Variants in CNTNAP2 observed in about 807,000 individuals in gnomAD.
CNTNAP2 encodes contactin associated protein 2.
A neutral mutation model predicts 155.2 loss-of-function variants in CNTNAP2; 98 were observed. The ratio of observed to expected loss-of-function variants is 0.63; its 90% CI spans 0.54 to 0.75. The LOEUF is 0.75. CNTNAP2 is among the 30% of genes least tolerant of loss of function. The pLI is 0.00. For missense variants in CNTNAP2, 1,727 were observed against 1,688.1 expected (o/e 1.02, Z -0.40); for synonymous variants, 651 against 631.2 (o/e 1.03, Z -0.47).
chr7:147,480,220 ATAAAT>A (rs1482827323), intron 10 of CNTNAP2, among the ~76,000 whole-genome samples: 2 of 152,254 alleles, frequency 1.3e-5, no homozygotes, highest in African/African-American at 2.4e-5. Flanking sequence ...GGAACAACTC[ATAAAT>A]TAAGGAGGCA....
chr7:147,999,341 G>A (rs1673121285), intron 15 of CNTNAP2, among the ~76,000 whole-genome samples: 2 of 152,152 alleles, frequency 1.3e-5, no homozygotes, highest in South Asian at 4.1e-4. Context: ...CTCCCAAAGT[G>A]CTAGGATTAC....
intron 2 of CNTNAP2, among the ~76,000 whole-genome samples, chr7:146,817,695 T>G (rs1803200436): frequency 6.6e-6 from 1 of 151,892 alleles, no homozygotes; most frequent in Non-Finnish European, 1.5e-5. Context: ...TACTCACTTT[T>G]AAACAACCAG....
rs1390021534 is a variant in CNTNAP2, at chr7:146,810,855, A to C, written c.209-28856A>C. Among the ~76,000 whole-genome samples the C allele has an allele frequency of 5.3e-5, 8 of 152,132 alleles. No homozygotes were observed. The South Asian group carries it at 1.7e-3, about 32-fold the overall frequency. On this transcript the variant is annotated intron_variant, in intron 2 of 23. Transcript: ENST00000361727. The stretch of plus-strand genomic sequence containing the variant: ...GAATTTTTATGATAAAAGAACTTTT[A>C]ATTTTGTTAAATGCTTTGTTGCATC...
At chr7:146,876,591 A>G (rs1383296464) in intron 3 of CNTNAP2, among the ~76,000 whole-genome samples, 1 of 152,080 alleles carries the variant, frequency 6.6e-6, no homozygotes, top group Non-Finnish European at 1.5e-5. Flanking sequence ...TTATTAATCC[A>G]TTCAACAACC....
chr7:147,215,094 A>G (rs1194651037), intron 8 of CNTNAP2, among the ~76,000 whole-genome samples: 1 of 152,112 alleles, frequency 6.6e-6, no homozygotes, highest in Admixed American at 6.5e-5. Flanking sequence ...CCCTGCCTCA[A>G]CATGTGAGGA....
At chr7:147,862,469 T>C (rs1299032560) in intron 13 of CNTNAP2, among the ~76,000 whole-genome samples, 1 of 152,160 alleles carries the variant, frequency 6.6e-6, no homozygotes. Flanking sequence ...TGTCCTATAA[T>C]GTACTTCTTT....
intron 8 of CNTNAP2, among the ~76,000 whole-genome samples, chr7:147,141,917 A>G (rs1407409912): frequency 2.0e-5 from 3 of 152,122 alleles, no homozygotes; most frequent in Non-Finnish European, 4.4e-5. Flanking sequence ...TCCCATTACT[A>G]AAGAATAAGT....
intron 1 of CNTNAP2, among the ~76,000 whole-genome samples, chr7:146,435,382 T>C (rs1796228727): frequency 6.6e-6 from 1 of 152,218 alleles, no homozygotes; most frequent in African/African-American, 2.4e-5. Context: ...TAAAAAACTG[T>C]GCCCAATATT....
intron 13 of CNTNAP2, among the ~76,000 whole-genome samples, chr7:147,839,915 G>A (rs1020422291): frequency 1.3e-5 from 2 of 148,148 alleles, no homozygotes; most frequent in African/African-American, 5.0e-5. Context: ...ATGTGTGTGT[G>A]TGTGCTGTGT....
rs2129094643 is a variant in CNTNAP2 at position 146,331,614 on chromosome 7, G to T, written c.97+214641G>T. ...TTCTGGGCATCATACTTTCTCCATGGCTGCTGATTGGCCTCAGAGCCAGTG... is the reference window on the plus strand; with the variant it reads ...TTCTGGGCATCATACTTTCTCCATGTCTGCTGATTGGCCTCAGAGCCAGTG... On this transcript the variant is annotated intron_variant, in intron 1 of 23. Transcript: ENST00000361727. Among the ~76,000 whole-genome samples the T allele has an allele frequency of 1.3e-5, 2 of 152,122 alleles. 1 individual carries two copies. Among genetic ancestry groups the T allele is most frequent in the South Asian group, 4.1e-4 (2 of 4,826 alleles).
At chr7:148,002,190 A>G (rs1230309137) in intron 15 of CNTNAP2, among the ~76,000 whole-genome samples, 1 of 152,194 alleles carries the variant, frequency 6.6e-6, no homozygotes, top group Non-Finnish European at 1.5e-5. Context: ...TTGATGGTTT[A>G]ACTATGTTTT....
intron 1 of CNTNAP2, among the ~76,000 whole-genome samples, chr7:146,424,465 T>A (rs540016339): frequency 1.3e-5 from 2 of 152,282 alleles, no homozygotes; most frequent in South Asian, 4.1e-4. Context: ...AAATGTCTAC[T>A]AGGAAATCTT....
chr7:146,835,012 C>T (rs1803588995), intron 2 of CNTNAP2, among the ~76,000 whole-genome samples: 1 of 152,148 alleles, frequency 6.6e-6, no homozygotes, highest in African/African-American at 2.4e-5. Flanking sequence ...GACTTTTGCC[C>T]TCCCCTTGAG....
At chr7:147,693,752 A>G (rs1168267876) in intron 13 of CNTNAP2, among the ~76,000 whole-genome samples, 1 of 151,980 alleles carries the variant, frequency 6.6e-6, no homozygotes, top group Admixed American at 6.6e-5. Context: ...TGATTCTTTC[A>G]GATTTTCTAC....
chr7:146,135,313 A>T (rs1391292279), intron 1 of CNTNAP2, among the ~76,000 whole-genome samples: 1 of 152,102 alleles, frequency 6.6e-6, no homozygotes. Flanking sequence ...AGACGAAAAA[A>T]ATTCAGAAAG....
chr7:147,501,375 G>C, intron 11 of CNTNAP2, among the ~76,000 whole-genome samples: 1 of 152,198 alleles, frequency 6.6e-6, no homozygotes, highest in Middle Eastern at 3.4e-3. Context: ...ACTGAAAGTC[G>C]TAAGCAGAGC....
At chr7:147,080,499 T>G (rs1188226784) in intron 4 of CNTNAP2, among the ~76,000 whole-genome samples, 1 of 151,786 alleles carries the variant, frequency 6.6e-6, no homozygotes, top group South Asian at 2.1e-4. Flanking sequence ...ATTCACTTGT[T>G]TGTCCATAGT....
At chr7:148,357,432 T>C (rs879352816) in intron 21 of CNTNAP2, among the ~76,000 whole-genome samples, 4 of 152,154 alleles carry the variant, frequency 2.6e-5, no homozygotes, top group Non-Finnish European at 4.4e-5. Context: ...CCACACATGC[T>C]CATTGATTTC....
At position 148,328,976 on chromosome 7, in the gene CNTNAP2, G is replaced by GAAAAAAAAA. The variant is rs71188969; in HGVS notation, c.3476-54657_3476-54649dup. ...AAGCGACAGAGCAAGACTCTGTCTGGAAAAAAAAAAAAAAAAAAAAAAAAG... is the reference window on the plus strand; with the variant it reads ...AAGCGACAGAGCAAGACTCTGTCTGGAAAAAAAAAAAAAAAAAAAAAAAAAAAAAAAAAG... On this transcript the variant is annotated intron_variant, in intron 21 of 23. Coordinates refer to ENST00000361727, the MANE Select transcript of CNTNAP2 (RefSeq NM_014141.6). Among the ~76,000 whole-genome samples, 121 of 69,230 alleles carry GAAAAAAAAA rather than the reference G, an allele frequency of 1.7e-3. 3 individuals carry two copies. Among genetic ancestry groups the GAAAAAAAAA allele is most frequent in the African/African-American group, 6.2e-3 (117 of 18,992 alleles). The allele number at this position is 69,230 out of a possible 152,430, so 45.4% of individuals were successfully genotyped here.
Sources: allele counts gnomAD v4.1 joint callset (sites outside exome capture counted in the v4.1 genomes callset), GRCh38; gene constraint gnomAD v4.1.1; transcripts MANE v1.5; gene names NCBI Gene and HGNC (gene_info 2026-07-23, HGNC 2026-07-21).